Variants in RIMS1 observed in about 807,000 individuals in gnomAD.
The protein encoded by RIMS1 is regulating synaptic membrane exocytosis protein 1.
Under a neutral mutation model 214.1 loss-of-function variants are expected in RIMS1, and 83 were observed. That is an observed-to-expected ratio of 0.39 (90% CI 0.32 to 0.47). The LOEUF (loss-of-function observed/expected upper bound fraction) is 0.47, where lower values mean the gene tolerates loss of function less well. Among genes scored for constraint, RIMS1 ranks in the 20% least tolerant of loss-of-function variants. The probability of loss-of-function intolerance (pLI) is 0.99; values close to 1 mark genes in which losing one functional copy is unlikely to be tolerated. For synonymous variants in RIMS1, 793 were observed against 786.8 expected (o/e 1.01, Z -0.13); for missense variants, 2,050 against 2,161.8 (o/e 0.95, Z 1.03).
At chr6:71,943,179 G>A (rs1786720145) in intron 1 of RIMS1, among the ~76,000 whole-genome samples, 1 of 152,050 alleles carries the variant, frequency 6.6e-6, no homozygotes, top group Non-Finnish European at 1.5e-5. Context: ...TTTGTAGCTT[G>A]AACTATTTTT....
chr6:72,361,111 T>C (rs1038452837), intron 29 of RIMS1, among the ~76,000 whole-genome samples: 2 of 133,016 alleles, frequency 1.5e-5, no homozygotes, highest in African/African-American at 5.6e-5. Context: ...TTTTTTTTTT[T>C]TTTTTTTTTT....
intron 6 of RIMS1, among the ~76,000 whole-genome samples, chr6:72,193,865 G>A (rs2050449218): frequency 6.6e-6 from 1 of 152,046 alleles, no homozygotes; most frequent in South Asian, 2.1e-4. Context: ...AAAGAAAAGG[G>A]AAAAGAAACA....
At chr6:71,901,835 C>T (rs138422257) in intron 1 of RIMS1, among the ~76,000 whole-genome samples, 49 of 152,038 alleles carry the variant, frequency 3.2e-4, no homozygotes, top group Middle Eastern at 3.4e-3. Context: ...ATGAGAACTA[C>T]GAAAGAGCTA....
intron 2 of RIMS1, among the ~76,000 whole-genome samples, chr6:72,070,522 A>G (rs1449781106): frequency 3.3e-5 from 5 of 152,208 alleles, no homozygotes; most frequent in Admixed American, 2.6e-4. Flanking sequence ...TTAGTCATAA[A>G]AACAATAAAG....
At chr6:72,181,937 T>C (rs1432528148) in intron 5 of RIMS1, among the ~76,000 whole-genome samples, 2 of 152,222 alleles carry the variant, frequency 1.3e-5, no homozygotes, top group African/African-American at 4.8e-5. Context: ...ATGGTGTCTC[T>C]AATCCTCACA....
intron 2 of RIMS1, among the ~76,000 whole-genome samples, chr6:72,057,875 A>G (rs1222613982): frequency 6.6e-6 from 1 of 152,218 alleles, no homozygotes; most frequent in Non-Finnish European, 1.5e-5. Flanking sequence ...GATGAAGGTA[A>G]CCCTAGTAAA....
Position 72,105,719 on chromosome 6 carries a change from A to G in RIMS1, c.471+5733A>G, listed in dbSNP as rs192241156. 4.1e-3 allele frequency among the ~76,000 whole-genome samples: 630 copies of G among 152,306 alleles called. 5 individuals carry two copies. The highest frequency in any genetic ancestry group is 0.013 in the African/African-American group (534 of 41,574). On this transcript the variant is annotated intron_variant, in intron 4 of 33. Transcript: ENST00000521978. ...TATAACTATAATGCTATGTTGCTGC[A>G]TAATAATTTTATGAATGTTATATTA...
At chr6:72,318,785 A>G (rs1055021906) in intron 28 of RIMS1, among the ~76,000 whole-genome samples, 5 of 152,126 alleles carry the variant, frequency 3.3e-5, no homozygotes, top group African/African-American at 1.2e-4. Flanking sequence ...ACTAGACCTG[A>G]AAGGTTTCCA....
At chr6:72,016,064 C>A (rs1812655392) in intron 2 of RIMS1, among the ~76,000 whole-genome samples, 1 of 152,132 alleles carries the variant, frequency 6.6e-6, no homozygotes, top group Admixed American at 6.5e-5. Context: ...TTTTGGATGA[C>A]CGTGTGGTTT....
chr6:72,214,008 A>G (rs1407652813), intron 6 of RIMS1, among the ~76,000 whole-genome samples: 1 of 152,204 alleles, frequency 6.6e-6, no homozygotes, highest in African/African-American at 2.4e-5. Flanking sequence ...AAATTTTGGA[A>G]TTTAAAAAAT....
chr6:72,307,570 A>G (rs900148778), intron 27 of RIMS1, among the ~76,000 whole-genome samples, 200 bp downstream of exon 27: 1 of 152,070 alleles, frequency 6.6e-6, no homozygotes, highest in African/African-American at 2.4e-5. Context: ...ACCAGCCAAC[A>G]TGGTTAAACC....
intron 24 of RIMS1, among the ~76,000 whole-genome samples, chr6:72,285,127 A>G (rs2091844947): frequency 6.6e-6 from 1 of 152,204 alleles, no homozygotes; most frequent in Admixed American, 6.5e-5. Flanking sequence ...GAATGACATC[A>G]CTATGCCATG....
At chr6:72,300,461 G>C (rs2094500859) in intron 26 of RIMS1, among the ~76,000 whole-genome samples, 1 of 151,752 alleles carries the variant, frequency 6.6e-6, no homozygotes, top group Non-Finnish European at 1.5e-5. Flanking sequence ...TTTCAGGATA[G>C]ATTCTGTATC....
chr6:72,224,920 T>C (rs904926355), intron 6 of RIMS1, among the ~76,000 whole-genome samples: 1 of 152,208 alleles, frequency 6.6e-6, no homozygotes, highest in Non-Finnish European at 1.5e-5. Context: ...TGGAGTTTTA[T>C]TAATATGGCT....
chr6:72,134,537 T>C (rs1029675566), intron 4 of RIMS1, among the ~76,000 whole-genome samples: 5 of 152,092 alleles, frequency 3.3e-5, no homozygotes, highest in African/African-American at 1.2e-4. Context: ...ACCTGGCTTC[T>C]CTACTCATGA....
intron 4 of RIMS1, among the ~76,000 whole-genome samples, chr6:72,142,476 GA>G (rs2042195422): frequency 6.6e-6 from 1 of 151,848 alleles, no homozygotes; most frequent in South Asian, 2.1e-4. Flanking sequence ...TCTACTTCCT[GA>G]AAAAAGGAGA....
intron 1 of RIMS1, among the ~76,000 whole-genome samples, chr6:71,907,229 A>G (rs1486451105): frequency 6.6e-6 from 1 of 152,180 alleles, no homozygotes; most frequent in Non-Finnish European, 1.5e-5. Flanking sequence ...ATTTTGGCTT[A>G]CCCCTCAGTT....
At chr6:72,316,889 G>A in intron 28 of RIMS1, 1 of 974,132 alleles carries the variant, frequency 1.0e-6, no homozygotes, top group Non-Finnish European at 1.6e-6. Context: ...GGGAGGCCCT[G>A]TGTCCCCCAC....
chr6:72,054,295 T>C (rs1293436881), intron 2 of RIMS1, among the ~76,000 whole-genome samples: 1 of 152,226 alleles, frequency 6.6e-6, no homozygotes, highest in African/African-American at 2.4e-5. Context: ...CCATAGTATA[T>C]ATGTGCCACA....
Sources: allele counts gnomAD v4.1 joint callset (sites outside exome capture counted in the v4.1 genomes callset), GRCh38; gene constraint gnomAD v4.1.1; transcripts MANE v1.5; gene names NCBI Gene and HGNC (gene_info 2026-07-23, HGNC 2026-07-21).